Variants in MAP1B observed in about 807,000 individuals in gnomAD.
MAP1B encodes microtubule-associated protein 1B.
A neutral mutation model predicts 176.1 loss-of-function variants in MAP1B; 12 were observed. The ratio of observed to expected loss-of-function variants is 0.07; its 90% CI spans 0.04 to 0.11. The LOEUF is 0.11. Among genes scored for constraint, MAP1B ranks in the 10% least tolerant of loss-of-function variants. The pLI is 1.00. For synonymous variants in MAP1B, 1,044 were observed against 1,135.0 expected (o/e 0.92, Z 1.61); for missense variants, 2,523 against 2,990.5 (o/e 0.84, Z 3.65).
At chr5:72,135,747 G>A (rs1444670100) in intron 2 of MAP1B, among the ~76,000 whole-genome samples, 1 of 151,778 alleles carries the variant, frequency 6.6e-6, no homozygotes, top group Non-Finnish European at 1.5e-5. Context: ...ACCCTCTTGT[G>A]AGGTGATAAT....
intron 2 of MAP1B, among the ~76,000 whole-genome samples, chr5:72,175,639 A>G (rs568437962): frequency 2.8e-4 from 43 of 152,314 alleles, no homozygotes; most frequent in African/African-American, 1.0e-3. Flanking sequence ...TTTAATAGGG[A>G]GAAGAAAAAA....
intron 2 of MAP1B, among the ~76,000 whole-genome samples, chr5:72,124,744 C>T (rs1041142746): frequency 1.3e-5 from 2 of 152,236 alleles, no homozygotes; most frequent in African/African-American, 2.4e-5. Flanking sequence ...TGTGAGTAAA[C>T]ACGCCACTGT....
Position 72,207,196 on chromosome 5 carries a change from C to T in MAP1B, c.*1957C>T, listed in dbSNP as rs1747471208. On this transcript the variant is annotated 3_prime_UTR_variant, in exon 7 of 7. Coordinates refer to ENST00000296755, the MANE Select transcript of MAP1B (RefSeq NM_005909.5). The stretch of plus-strand genomic sequence containing the variant: ...GTTTCAAGTTGCAGATCAATGCACC[C>T]AGTGTTCAGATGAGGCAAACTTCTC... The T allele has an allele frequency of 6.6e-6, 1 of 152,158 alleles. No individual in the cohort carries two copies. Among genetic ancestry groups the T allele is most frequent in the Non-Finnish European group, 1.5e-5 (1 of 68,040 alleles). 9.4% of individuals were successfully genotyped at this position (152,158 alleles called of 1,614,324 possible). A position where few individuals can be genotyped will look rare whatever the true frequency, so the allele number is the denominator to read the frequency against.
At chr5:72,183,211 GAATT>G (rs952819468) in intron 2 of MAP1B, among the ~76,000 whole-genome samples, 1 of 152,202 alleles carries the variant, frequency 6.6e-6, no homozygotes, top group African/African-American at 2.4e-5. Context: ...ATGAGCAAGT[GAATT>G]AATTAATGAA....
chr5:72,154,188 T>C (rs10061898), intron 2 of MAP1B, among the ~76,000 whole-genome samples: 12,250 of 152,244 alleles, frequency 0.08, 630 homozygotes, highest in African/African-American at 0.13. Context: ...GTGAAGTTGC[T>C]GTAGACACCC....
chr5:72,198,977 G>A lies in MAP1B; in HGVS notation c.5622G>A (p.Lys1874=). ...GTGACTTTAGCTATGCCTATCAAAA[G>A]CCTGAGGAAACAACCAGGTCCCCAG... is the stretch of plus-strand genomic sequence containing the variant. The part of the protein sequence containing the change: ...TPGDFSYAYQ[K]PEETTRSPDE... Residue 1874 remains lysine, a synonymous_variant, in exon 5 of 7, where the codon AAG becomes AAA. Coordinates refer to ENST00000296755, the MANE Select transcript of MAP1B (RefSeq NM_005909.5). 6.2e-7 allele frequency: 1 copy of A among 1,614,196 alleles called. No individual in the cohort carries two copies. The highest frequency in any genetic ancestry group is 8.5e-7 in the Non-Finnish European group (1 of 1,180,030).
intron 2 of MAP1B, among the ~76,000 whole-genome samples, chr5:72,121,157 G>C (rs924615560): frequency 2.0e-5 from 3 of 152,182 alleles, no homozygotes; most frequent in African/African-American, 7.2e-5. Context: ...GCCCACGCAA[G>C]GGCTGTCAGG....
rs958602754 is a variant in MAP1B at position 72,197,377 on chromosome 5, C to T, written c.4022C>T (p.Thr1341Ile). 40 of 1,614,204 alleles carry T rather than the reference C, an allele frequency of 2.5e-5. No homozygotes were observed. The highest frequency in any genetic ancestry group is 3.1e-5 in the Non-Finnish European group (36 of 1,180,022). Residue 1341 changes from threonine (T) to isoleucine (I), a missense_variant, in exon 5 of 7, where the codon ACT becomes ATT. Transcript: ENST00000296755. The stretch of plus-strand genomic sequence containing the variant: ...CACACACCTTACTATCAATCTCCTA[C>T]TGACGAGAAATCCAGTCATCTCCCT... ...AGHTPYYQSPTDEKSSHLPTE... is the reference protein window; with the variant it reads ...AGHTPYYQSPIDEKSSHLPTE...
chr5:72,197,902 A>G lies in MAP1B; in HGVS notation c.4547A>G (p.Asp1516Gly). The change falls in exon 5 of 7, where the codon GAC (aspartate) becomes GGC (glycine). Residue 1516 changes from aspartate (D) to glycine (G), a missense_variant. Coordinates refer to ENST00000296755, the MANE Select transcript of MAP1B (RefSeq NM_005909.5). ...DVSQFGSFKEDTKMSISEGTV... is the reference protein window; with the variant it reads ...DVSQFGSFKEGTKMSISEGTV... Reference sequence around the variant, plus strand: ...AGTCAGTTTGGATCTTTTAAAGAAGACACTAAGATGTCCATTTCTGAAGGT... The same window carrying G: ...AGTCAGTTTGGATCTTTTAAAGAAGGCACTAAGATGTCCATTTCTGAAGGT... The G allele has an allele frequency of 1.2e-6, 2 of 1,614,216 alleles. No individual in the cohort carries two copies. The highest frequency in any genetic ancestry group is 1.7e-6 in the Non-Finnish European group (2 of 1,180,028).
At position 72,208,863 on chromosome 5, in the gene MAP1B, A is replaced by G. The variant is rs1314703698; in HGVS notation, c.*3624A>G. ...CACCTGTCACAGGAGGTTCCTGCTC[A>G]GTAATGATATTGTGAGTTAGGATAA... On this transcript the variant is annotated 3_prime_UTR_variant, in exon 7 of 7. Transcript: ENST00000296755. 1 of 152,130 alleles carries G rather than the reference A, an allele frequency of 6.6e-6. No homozygotes were observed. The highest frequency in any genetic ancestry group is 1.5e-5 in the Non-Finnish European group (1 of 68,028). 9.4% of individuals were successfully genotyped at this position (152,130 alleles called of 1,614,324 possible).
rs1745105897 is a variant in MAP1B at position 72,107,587 on chromosome 5, A to T, written c.56A>T (p.Asn19Ile). 6.3e-7 allele frequency: 1 copy of T among 1,592,968 alleles called. No individual in the cohort carries two copies. The highest frequency in any genetic ancestry group is 1.3e-5 in the African/African-American group (1 of 74,686). ...CCGGAGCCGTCCGGCAGCATCGCCA[A>T]CCCGGCGGCGTCCACCTCGCCTAGC... ...TEPEPSGSIANPAASTSPSLS... is the reference protein window; with the variant it reads ...TEPEPSGSIAIPAASTSPSLS... Residue 19 changes from asparagine to isoleucine, a missense_variant, in exon 1 of 7, where the codon AAC becomes ATC. Around this residue, in one of 4 missense-constraint regions of MAP1B, gnomAD observed 307 missense variants for 438.4 expected, o/e 0.70. Coordinates refer to ENST00000296755, the MANE Select transcript of MAP1B (RefSeq NM_005909.5).
chr5:72,138,549 C>CA (rs1745878744), intron 2 of MAP1B, among the ~76,000 whole-genome samples: 1 of 151,970 alleles, frequency 6.6e-6, no homozygotes, highest in African/African-American at 2.4e-5. Flanking sequence ...GAGATATGCA[C>CA]AAAAAATGTT....
chr5:72,170,594 C>T (rs758946915), intron 2 of MAP1B, among the ~76,000 whole-genome samples: 15 of 151,656 alleles, frequency 9.9e-5, no homozygotes, highest in Admixed American at 2.6e-4. Context: ...GCTCAGTATC[C>T]CCTGTGGCAG....
At position 72,208,314 on chromosome 5, in the gene MAP1B, A is replaced by G. The variant is rs940999895; in HGVS notation, c.*3075A>G. ...TTGTTCATACTGATTACTTAATCCA[A>G]TTGTATAGATTGAATATTTGAGTGG... On this transcript the variant is annotated 3_prime_UTR_variant, in exon 7 of 7. Transcript: ENST00000296755. 3.9e-5 allele frequency: 6 copies of G among 152,166 alleles called. No homozygotes were observed. The highest frequency in any genetic ancestry group is 5.9e-5 in the Non-Finnish European group (4 of 68,024). The allele number at this position is 152,166 out of a possible 1,614,324, so 9.4% of individuals were successfully genotyped here.
At chr5:72,177,798 AT>A (rs1358826847) in intron 2 of MAP1B, among the ~76,000 whole-genome samples, 1 of 152,104 alleles carries the variant, frequency 6.6e-6, no homozygotes, top group African/African-American at 2.4e-5. Flanking sequence ...ATTTAGCTAA[AT>A]TTTACTCTCA....
At chr5:72,154,957 A>T (rs951550240) in intron 2 of MAP1B, among the ~76,000 whole-genome samples, 1 of 152,194 alleles carries the variant, frequency 6.6e-6, no homozygotes, top group Non-Finnish European at 1.5e-5. Flanking sequence ...AGGGTGCCCC[A>T]GAAGCTAGAT....
At chr5:72,108,866 C>T (rs1163323059) in intron 1 of MAP1B, among the ~76,000 whole-genome samples, 1 of 152,212 alleles carries the variant, frequency 6.6e-6, no homozygotes, top group Non-Finnish European at 1.5e-5. Flanking sequence ...TCCCGGCCCT[C>T]CCCTCGCTCC....
intron 2 of MAP1B, among the ~76,000 whole-genome samples, chr5:72,127,447 A>C (rs959802781): frequency 6.6e-6 from 1 of 152,194 alleles, no homozygotes; most frequent in Non-Finnish European, 1.5e-5. Context: ...TAAAAACTTC[A>C]ATTTGTTCCA....
At chr5:72,181,384 A>G (rs1746762786) in intron 2 of MAP1B, among the ~76,000 whole-genome samples, 1 of 151,992 alleles carries the variant, frequency 6.6e-6, no homozygotes, top group Non-Finnish European at 1.5e-5. Flanking sequence ...ATTGAGATCT[A>G]GTTTGCATAC....
Sources: gnomAD v4.1 joint callset for allele counts (sites outside exome capture counted in the v4.1 genomes callset) on GRCh38, gnomAD v4.1.1 for gene constraint, gnomAD v4.1.1 regional missense constraint, MANE v1.5 for transcripts, NCBI Gene and HGNC (gene_info 2026-07-23, HGNC 2026-07-21) for gene names.